The following CDK14 variants were observed in gnomAD, a reference collection of about 807,000 sequenced individuals.
CDK14 encodes cyclin dependent kinase 14, also known as cyclin-dependent kinase 14.
A neutral mutation model predicts 60.7 loss-of-function variants in CDK14; 34 were observed. The ratio of observed to expected loss-of-function variants is 0.56; its 90% CI spans 0.43 to 0.75. CDK14 has a LOEUF of 0.75. Among genes scored for constraint, CDK14 ranks in the 30% least tolerant of loss-of-function variants. The pLI, the probability that CDK14 is intolerant of heterozygous loss-of-function variation, is 0.00. For synonymous variants in CDK14, 197 were observed against 203.7 expected (o/e 0.97, Z 0.28); for missense variants, 482 against 564.1 (o/e 0.85, Z 1.47).
intron 5 of CDK14, among the ~76,000 whole-genome samples, chr7:90,834,481 C>T (rs911951918): frequency 3.3e-5 from 5 of 152,096 alleles, no homozygotes; most frequent in African/African-American, 1.2e-4. Flanking sequence ...TTTATTAGGA[C>T]TGTAATGGGA....
intron 11 of CDK14, among the ~76,000 whole-genome samples, chr7:91,074,153 T>C (rs1343083239): frequency 6.6e-6 from 1 of 152,206 alleles, no homozygotes; most frequent in African/African-American, 2.4e-5. Context: ...GTGGACCTAA[T>C]AGACAGCTAC....
chr7:91,065,800 A>G (rs553234960), intron 11 of CDK14, among the ~76,000 whole-genome samples: 1 of 152,350 alleles, frequency 6.6e-6, no homozygotes, highest in East Asian at 1.9e-4. Flanking sequence ...CAGACACACA[A>G]TAAGTACTTG....
chr7:90,836,077 G>A (rs777617311), intron 5 of CDK14, among the ~76,000 whole-genome samples: 1 of 152,198 alleles, frequency 6.6e-6, no homozygotes, highest in African/African-American at 2.4e-5. Context: ...GAGTCAATGA[G>A]TGAGTAATGA....
chr7:91,016,361 A>T (rs779920946), intron 10 of CDK14, among the ~76,000 whole-genome samples: 13 of 151,740 alleles, frequency 8.6e-5, no homozygotes, highest in Non-Finnish European at 1.6e-4. Flanking sequence ...TGAATTTTGT[A>T]TTCCTCAATT....
chr7:90,999,138 T>C (rs1257460249), intron 10 of CDK14, among the ~76,000 whole-genome samples: 1 of 152,066 alleles, frequency 6.6e-6, no homozygotes, highest in Non-Finnish European at 1.5e-5. Context: ...TCTCCAAATG[T>C]CATCAACACG....
chr7:90,972,002 C>G (rs1794946259), intron 9 of CDK14, among the ~76,000 whole-genome samples: 1 of 152,146 alleles, frequency 6.6e-6, no homozygotes, highest in Non-Finnish European at 1.5e-5. Context: ...GCTTCCTGTA[C>G]TTTATTTTTT....
At chr7:90,613,494 C>G (rs1397327176) in intron 2 of CDK14, among the ~76,000 whole-genome samples, 2 of 151,786 alleles carry the variant, frequency 1.3e-5, no homozygotes, top group Non-Finnish European at 2.9e-5. Context: ...TGAGACCAGC[C>G]TGGCCAACGT....
intron 13 of CDK14, 124 bp from the exon 14 acceptor site, chr7:91,117,941 C>G (rs978435418): frequency 1.3e-5 from 7 of 549,432 alleles, no homozygotes; most frequent in Non-Finnish European, 2.2e-5. Context: ...AAGATCAAAA[C>G]ATACCATGAT....
At chr7:90,942,832 TA>T (rs1415477032) in intron 8 of CDK14, among the ~76,000 whole-genome samples, 1 of 152,184 alleles carries the variant, frequency 6.6e-6, no homozygotes, top group Non-Finnish European at 1.5e-5. Context: ...GGACTTGCTT[TA>T]TATTTATATA....
intron 14 of CDK14, among the ~76,000 whole-genome samples, chr7:91,151,798 C>T (rs1029888601): frequency 2.0e-5 from 3 of 152,178 alleles, no homozygotes; most frequent in Non-Finnish European, 4.4e-5. Flanking sequence ...TAAATGCCTA[C>T]ATTTCATGGT....
chr7:90,996,147 G>A (rs897861116), intron 10 of CDK14, among the ~76,000 whole-genome samples: 1 of 152,126 alleles, frequency 6.6e-6, no homozygotes, highest in Non-Finnish European at 1.5e-5. Flanking sequence ...ACTAGTATCA[G>A]GTGACTATTA....
At chr7:90,832,871 G>A (rs574999855) in intron 5 of CDK14, among the ~76,000 whole-genome samples, 42 of 152,314 alleles carry the variant, frequency 2.8e-4, no homozygotes, top group African/African-American at 9.4e-4. Flanking sequence ...AATGCCTTGA[G>A]TAGGTCAGAG....
At chr7:90,669,461 A>C (rs80118754) in intron 2 of CDK14, among the ~76,000 whole-genome samples, 1,761 of 152,324 alleles carry the variant, frequency 0.012, 25 homozygotes, top group Non-Finnish European at 0.015. Context: ...TCAGAGATGT[A>C]CACAGACCCA....
At chr7:90,776,930 C>T (rs1025104410) in intron 4 of CDK14, among the ~76,000 whole-genome samples, 2 of 151,986 alleles carry the variant, frequency 1.3e-5, no homozygotes, top group Admixed American at 1.3e-4. Context: ...CCCTTGCACG[C>T]TCTTCTTGTT....
intron 3 of CDK14, among the ~76,000 whole-genome samples, chr7:90,733,486 T>A (rs1802956750): frequency 6.6e-6 from 1 of 152,246 alleles, no homozygotes; most frequent in East Asian, 1.9e-4. Flanking sequence ...GAACTCGCTT[T>A]ATGAATCAGG....
At chr7:90,867,122 T>C (rs1204539253) in intron 6 of CDK14, among the ~76,000 whole-genome samples, 1 of 152,168 alleles carries the variant, frequency 6.6e-6, no homozygotes, top group African/African-American at 2.4e-5. Flanking sequence ...GGGTCTAATA[T>C]GTCAAACATG....
In CDK14 at chr7:91,209,048, C is replaced by A. The variant is rs1279447412; in HGVS notation, c.*1912C>A. 6.6e-6 allele frequency: 1 copy of A among 152,536 alleles called. No homozygotes were observed. The highest frequency in any genetic ancestry group is 1.5e-5 in the Non-Finnish European group (1 of 68,028). The allele number at this position is 152,536 out of a possible 1,614,324, so 9.4% of individuals were successfully genotyped here. On this transcript the variant is annotated 3_prime_UTR_variant, in exon 15 of 15. Transcript: ENST00000380050. ...AAACATAGGGAGAAAACTTTACATG[C>A]AATTAAAAATGGACTTTCCTGTGAT...
intron 9 of CDK14, among the ~76,000 whole-genome samples, chr7:90,964,252 CTGTT>C (rs1344232925): frequency 6.6e-6 from 1 of 152,116 alleles, no homozygotes; most frequent in African/African-American, 2.4e-5. Context: ...TTCCCCAGCT[CTGTT>C]TGTCAGGGGT....
intron 14 of CDK14, among the ~76,000 whole-genome samples, chr7:91,172,417 T>C (rs951542895): frequency 1.3e-5 from 2 of 152,296 alleles, no homozygotes; most frequent in Non-Finnish European, 2.9e-5. Context: ...TGAGGCCCTC[T>C]TTATCCTTCA....
Sources: gnomAD v4.1 joint callset for allele counts (sites outside exome capture counted in the v4.1 genomes callset) on GRCh38, gnomAD v4.1.1 for gene constraint, MANE v1.5 for transcripts, NCBI Gene and HGNC (gene_info 2026-07-23, HGNC 2026-07-21) for gene names.